The following SLC26A7 variants were observed in gnomAD, a reference collection of about 807,000 sequenced individuals.
SLC26A7 encodes solute carrier family 26 member 7, also known as anion exchange transporter.
Under a neutral mutation model 82.5 loss-of-function variants are expected in SLC26A7, and 59 were observed. The ratio of observed to expected loss-of-function variants is 0.72; its 90% CI spans 0.58 to 0.89. The LOEUF (loss-of-function observed/expected upper bound fraction) is 0.89. Among genes scored for constraint, SLC26A7 ranks in the 40% least tolerant of loss-of-function variants. SLC26A7 has a pLI of 0.00. For synonymous variants in SLC26A7, 271 were observed against 274.3 expected, an observed-to-expected ratio of 0.99 and a Z score of 0.12; for missense variants, 820 against 793.0, an observed-to-expected ratio of 1.03 and a Z score of -0.41.
intron 15 of SLC26A7, among the ~76,000 whole-genome samples, chr8:91,371,840 A>C (rs549995542): frequency 6.6e-6 from 1 of 152,012 alleles, no homozygotes; most frequent in South Asian, 2.1e-4. Context: ...GTTTGAACTA[A>C]TTTACATTCC....
intron 16 of SLC26A7, among the ~76,000 whole-genome samples, chr8:91,392,389 C>T (rs1374893213): frequency 6.6e-6 from 1 of 152,054 alleles, no homozygotes; most frequent in Non-Finnish European, 1.5e-5. Context: ...AGTGGAAATA[C>T]CCACTTCATC....
At chr8:91,379,902 C>A (rs1814621857) in intron 15 of SLC26A7, among the ~76,000 whole-genome samples, 1 of 151,816 alleles carries the variant, frequency 6.6e-6, no homozygotes, top group African/African-American at 2.4e-5. Context: ...TTATAAAATG[C>A]AGAAAGGACT....
At position 91,369,335 on chromosome 8, in the gene SLC26A7, T is replaced by C. The variant is rs12680637; in HGVS notation, c.1627-450T>C. Among the ~76,000 whole-genome samples the C allele has an allele frequency of 1.2e-4, 18 of 150,268 alleles. No homozygotes were observed. In the East Asian group the frequency reaches 3.4e-3, roughly 28 times the overall value. On this transcript the variant is annotated intron_variant, in intron 14 of 18. Transcript: ENST00000276609. ...ATGATCTCCTTAGAGGCATCAATTATTGTCAGACAAGATTAACTGTAGGAT... is the reference window on the plus strand; with the variant it reads ...ATGATCTCCTTAGAGGCATCAATTACTGTCAGACAAGATTAACTGTAGGAT...
At chr8:91,235,576 G>A (rs561241271) in intron 2 of SLC26A7, among the ~76,000 whole-genome samples, 24 of 152,286 alleles carry the variant, frequency 1.6e-4, no homozygotes, top group South Asian at 1.0e-3. Context: ...ACTGCAAAAT[G>A]TCTGGGAGCC....
intron 2 of SLC26A7, among the ~76,000 whole-genome samples, chr8:91,225,339 A>G (rs531244195): frequency 7.5e-4 from 114 of 152,122 alleles, no homozygotes; most frequent in Non-Finnish European, 1.4e-3. Context: ...TGGGTTGCAC[A>G]GTTCCGTGGA....
chr8:91,316,690 C>T (rs1029735014), intron 4 of SLC26A7, among the ~76,000 whole-genome samples: 2 of 151,232 alleles, frequency 1.3e-5, no homozygotes, highest in Admixed American at 6.6e-5. Flanking sequence ...CTTTTGTTTC[C>T]ATTTTCTAGT....
At chr8:91,373,706 C>G (rs902755147) in intron 15 of SLC26A7, among the ~76,000 whole-genome samples, 1 of 151,762 alleles carries the variant, frequency 6.6e-6, no homozygotes, top group Non-Finnish European at 1.5e-5. Context: ...GTGTCCTTAC[C>G]AGATTTTGGC....
rs1554597817 is a variant in SLC26A7, at chr8:91,211,616, A to ATATT, written c.-150+2075_-150+2076insATTT. Reference sequence around the variant, plus strand: ...TACAAATATATATATATATATATATATTTTTTTTTTATTTTTTTTGCTTGG... The same window carrying ATATT: ...TACAAATATATATATATATATATATATATTTTTTTTTTTTATTTTTTTTGCTTGG... On this transcript the variant is annotated intron_variant, in intron 1 of 5. Coordinates refer to the SLC26A7 transcript ENST00000522862. Among the ~76,000 whole-genome samples the ATATT allele has an allele frequency of 5.3e-4, 73 of 137,522 alleles. 1 individual carries two copies. In the East Asian group the frequency reaches 9.0e-3, roughly 17 times the overall value. 90.2% of individuals were successfully genotyped at this position (137,522 alleles called of 152,430 possible). A position where few individuals can be genotyped will look rare whatever the true frequency, so the allele number is the denominator to read the frequency against.
chr8:91,248,247 C>CTCT (rs1205082783), upstream of SLC26A7, among the ~76,000 whole-genome samples: 1 of 152,086 alleles, frequency 6.6e-6, no homozygotes, highest in Non-Finnish European at 1.5e-5. Context: ...CCCGCTGCGT[C>CTCT]TCTTCGTTGG....
At chr8:91,363,820 C>G (rs1000173935) in intron 13 of SLC26A7, among the ~76,000 whole-genome samples, 1 of 152,086 alleles carries the variant, frequency 6.6e-6, no homozygotes, top group African/African-American at 2.4e-5. Flanking sequence ...ATTTGGACAC[C>G]TCTTTTCCAT....
At chr8:91,341,050 A>C (rs988188374) in intron 8 of SLC26A7, among the ~76,000 whole-genome samples, 1 of 150,844 alleles carries the variant, frequency 6.6e-6, no homozygotes, top group African/African-American at 2.4e-5. Flanking sequence ...GGTTAGTTAC[A>C]TATGTATACA....
intron 4 of SLC26A7, among the ~76,000 whole-genome samples, chr8:91,300,315 T>A (rs550753543): frequency 6.6e-6 from 1 of 152,284 alleles, no homozygotes; most frequent in South Asian, 2.1e-4. Context: ...AAGCTATTGA[T>A]TTTTGCGTGT....
At chr8:91,223,349 T>C (rs1272985598) in intron 2 of SLC26A7, among the ~76,000 whole-genome samples, 1 of 152,204 alleles carries the variant, frequency 6.6e-6, no homozygotes, top group Non-Finnish European at 1.5e-5. Context: ...GCTCTGATCT[T>C]AGTTTTTTCT....
chr8:91,275,324 T>C (rs1811378957), intron 2 of SLC26A7, among the ~76,000 whole-genome samples: 1 of 152,138 alleles, frequency 6.6e-6, no homozygotes, highest in South Asian at 2.1e-4. Flanking sequence ...TTTGAGACAG[T>C]GTCTTGCTTT....
intron 17 of SLC26A7, 34 bp downstream of exon 17, chr8:91,393,885 A>T: frequency 6.2e-7 from 1 of 1,613,100 alleles, no homozygotes; most frequent in Non-Finnish European, 8.5e-7. Flanking sequence ...GTTGAATGTG[A>T]TTTTTCTGCA....
intron 2 of SLC26A7, among the ~76,000 whole-genome samples, chr8:91,268,159 C>A (rs915988020): frequency 6.6e-6 from 1 of 151,718 alleles, no homozygotes; most frequent in Non-Finnish European, 1.5e-5. Flanking sequence ...GTTTTCTGAA[C>A]TAATATATGG....
At chr8:91,354,434 G>A (rs1813805382) in intron 11 of SLC26A7, among the ~76,000 whole-genome samples, 1 of 152,122 alleles carries the variant, frequency 6.6e-6, no homozygotes, top group Admixed American at 6.6e-5. Context: ...GTGAGGATGG[G>A]AGTAGTGACA....
intron 2 of SLC26A7, among the ~76,000 whole-genome samples, chr8:91,236,801 G>A (rs1342761752): frequency 6.6e-6 from 1 of 152,106 alleles, no homozygotes; most frequent in Non-Finnish European, 1.5e-5. Flanking sequence ...ATTACAAATA[G>A]TTCTGACATT....
chr8:91,369,962 T>C, intron 15 of SLC26A7, 129 bp downstream of exon 15: 1 of 748,854 alleles, frequency 1.3e-6, no homozygotes, highest in South Asian at 1.7e-5. Flanking sequence ...TCTCTCCTAA[T>C]TGTCCTCTTC....
Sources: gnomAD v4.1 joint callset for allele counts (sites outside exome capture counted in the v4.1 genomes callset) on GRCh38, gnomAD v4.1.1 for gene constraint, MANE v1.5 for transcripts, NCBI Gene and HGNC (gene_info 2026-07-23, HGNC 2026-07-21) for gene names.